Variants in CARMIL2 observed in about 807,000 individuals in gnomAD.
The protein encoded by CARMIL2 is capping protein regulator and myosin 1 linker 2.
In CARMIL2, 96 loss-of-function variants were observed where a neutral mutation model predicts 173.3. That is an observed-to-expected ratio of 0.55 (90% CI 0.47 to 0.66). CARMIL2 has a LOEUF of 0.66. Ranked by LOEUF, CARMIL2 falls within the 30% of genes least tolerant of loss-of-function variation. The probability of loss-of-function intolerance (pLI) is 0.00; values close to 1 mark genes in which losing one functional copy is unlikely to be tolerated. For missense variants in CARMIL2, 1,771 were observed against 1,906.7 expected, an observed-to-expected ratio of 0.93 and a Z score of 1.33; for synonymous variants, 830 against 817.1, an observed-to-expected ratio of 1.02 and a Z score of -0.27.
At position 67,654,849 on chromosome 16, in the gene CARMIL2, G is replaced by A. The variant is rs773849407; in HGVS notation, c.3654G>A (p.Gln1218=). The A allele has an allele frequency of 6.2e-6, 10 of 1,613,618 alleles. No homozygotes were observed. The highest frequency in any genetic ancestry group is 1.6e-4 in the Middle Eastern group (1 of 6,084). The change falls in exon 32 of 38, where the codon CAG becomes CAA. Residue 1218 remains glutamine, a synonymous_variant. Coordinates refer to ENST00000334583, the MANE Select transcript of CARMIL2 (RefSeq NM_001013838.3). ...SFEQRVQVML[Q]RIGVSRGSGG... ...AACAGCGGGTACAAGTAATGCTGCA[G>A]AGGATAGGCGTCAGCCGAGGCAGCG...
At chr16:67,647,087 C>T in intron 8 of CARMIL2, 29 bp from the exon 9 acceptor site, 1 of 1,612,516 alleles carries the variant, frequency 6.2e-7, no homozygotes, top group South Asian at 1.1e-5. Context: ...GGGCCCTGAG[C>T]TCTGCCTCTG....
At chr16:67,645,915 G>T in intron 3 of CARMIL2, 103 bp from the exon 4 acceptor site, 1 of 1,563,698 alleles carries the variant, frequency 6.4e-7, no homozygotes. Context: ...CGACAGGAGG[G>T]GAGTCCAGGC....
Position 67,656,883 on chromosome 16 carries a change from T to G in CARMIL2, c.4117+2T>G. 1 of 1,544,200 alleles carries G rather than the reference T, an allele frequency of 6.5e-7. No individual in the cohort carries two copies. Among genetic ancestry groups the G allele is most frequent in the South Asian group, 1.2e-5 (1 of 83,890 alleles). ...AGGACCAGCTCCAGGCCCCTGCTGG[T>G]GAGGGGAGACACCTCCACGTGTGCT... On this transcript the variant is annotated splice_donor_variant, in intron 36 of 37. Transcript: ENST00000334583. LOFTEE classifies it high-confidence loss of function.
rs1484282243 is a variant in CARMIL2, at chr16:67,657,092, G to C, written c.4118-147G>C. On this transcript the variant is annotated intron_variant, in intron 36 of 37. Coordinates refer to ENST00000334583, the MANE Select transcript of CARMIL2 (RefSeq NM_001013838.3). The surrounding 1 kb of genome is among the most constrained non-coding windows in gnomAD (Gnocchi z 4.5). ...CTTCCCGAAGAGCAGCCTCTGCCAG[G>C]GGTGAGGACGCAGGGACGGGGGATG... is the stretch of plus-strand genomic sequence containing the variant. 2 of 816,472 alleles carry C rather than the reference G, an allele frequency of 2.4e-6. No homozygotes were observed. The highest frequency in any genetic ancestry group is 4.0e-6 in the Non-Finnish European group (2 of 505,780). The allele number at this position is 816,472 out of a possible 1,614,324, so 50.6% of individuals were successfully genotyped here.
chr16:67,649,552 G>A lies in CARMIL2; in HGVS notation c.1852G>A (p.Gly618Ser), dbSNP rs1351982948. The A allele has an allele frequency of 6.2e-7, 1 of 1,604,086 alleles. No homozygotes were observed. ...TAACCTGACCGCGCTGGATATCAGC[G>A]GCAACGCCATGGGGGACGCGGGCGC... ...NPNLTALDISGNAMGDAGAKL... is the reference protein window; with the variant it reads ...NPNLTALDISSNAMGDAGAKL... Residue 618 changes from glycine (G) to serine (S), a missense_variant, in exon 20 of 38, where the codon GGC becomes AGC. Physicochemically the swap from Gly to Ser is moderately conservative, Grantham distance 56. This residue lies in a region of CARMIL2 where 944 missense variants were observed against 975.6 expected (regional missense o/e 0.97). Coordinates refer to ENST00000334583, the MANE Select transcript of CARMIL2 (RefSeq NM_001013838.3). This position sits in a 1 kb window ranked among gnomAD's most constrained non-coding sequence, Gnocchi z 6.7.
chr16:67,656,791 C>A lies in CARMIL2; in HGVS notation c.4037-10C>A, dbSNP rs776169543. 11 of 1,551,460 alleles carry A rather than the reference C, an allele frequency of 7.1e-6. No individual in the cohort carries two copies. In the South Asian group the frequency reaches 9.5e-5, roughly 13 times the overall value. ...TGTTGGAATACCCCTGATTCCCTGG[C>A]CTCCCTCAGATGGCCAGCTGAGGCC... On this transcript the variant is annotated splice_polypyrimidine_tract_variant and intron_variant, in intron 35 of 37. Coordinates refer to ENST00000334583, the MANE Select transcript of CARMIL2 (RefSeq NM_001013838.3).
chr16:67,654,072 C>T, intron 29 of CARMIL2, 77 bp from the exon 30 acceptor site: 1 of 919,034 alleles, frequency 1.1e-6, no homozygotes, highest in Non-Finnish European at 1.5e-6. Flanking sequence ...TCAGTCCAGG[C>T]TGCCGGCCGG....
In CARMIL2 at chr16:67,656,511, G is replaced by A. The variant is rs750135767; in HGVS notation, c.3902G>A (p.Arg1301Lys). 12 of 1,613,528 alleles carry A rather than the reference G, an allele frequency of 7.4e-6. No homozygotes were observed. In the South Asian group the frequency reaches 1.3e-4, roughly 18 times the overall value. The change falls in exon 35 of 38, where the codon AGG becomes AAG. Residue 1301 changes from arginine (R) to lysine (K), a missense_variant. Physicochemically the swap from Arg to Lys is conservative, Grantham distance 26 (BLOSUM62 2). Coordinates refer to ENST00000334583, the MANE Select transcript of CARMIL2 (RefSeq NM_001013838.3). Reference protein sequence around the residue: ...TLGQQLNAELRSRGWGQQDGP... With the variant: ...TLGQQLNAELKSRGWGQQDGP... ...GGGCAGCAGTTGAATGCGGAGCTCA[G>A]GAGCCGTGGTTGGGGCCAACAGGAT...
Position 67,651,388 on chromosome 16 carries a change from CT to C in CARMIL2, c.2314-10del. 6.3e-7 allele frequency: 1 copy of C among 1,594,848 alleles called. No individual in the cohort carries two copies. ...GTGTCAGCTCGCAACTGCTTTTCCT[CT>C]TTGGCCCTCAGATTCTCCCCATTCT... On this transcript the variant is annotated splice_polypyrimidine_tract_variant and intron_variant, in intron 23 of 37. Transcript: ENST00000334583. The surrounding 1 kb of genome is among the most constrained non-coding windows in gnomAD (Gnocchi z 4.2).
In CARMIL2 at chr16:67,649,056, G is replaced by A. The variant is rs763005401; in HGVS notation, c.1592-20G>A. On this transcript the variant is annotated intron_variant, in intron 17 of 37. Coordinates refer to ENST00000334583, the MANE Select transcript of CARMIL2 (RefSeq NM_001013838.3). This position sits in a 1 kb window ranked among gnomAD's most constrained non-coding sequence, Gnocchi z 6.7. ...CTACCCTTGCAACTTCGCCTCGTGC[G>A]TGACCCGAGTCACCCCCAGGCTTCG... The A allele has an allele frequency of 2.5e-6, 4 of 1,609,656 alleles. No individual in the cohort carries two copies. In the East Asian group the frequency reaches 6.7e-5, roughly 27 times the overall value.
chr16:67,651,307 T>C lies in CARMIL2; in HGVS notation c.2305T>C (p.Ser769Pro), dbSNP rs1038850771. The change falls in exon 23 of 38, where the codon TCT becomes CCT. Residue 769 changes from serine (S) to proline (P), a missense_variant. Coordinates refer to ENST00000334583, the MANE Select transcript of CARMIL2 (RefSeq NM_001013838.3). The surrounding 1 kb of genome is among the most constrained non-coding windows in gnomAD (Gnocchi z 4.2). Reference sequence around the variant, plus strand: ...GGATGCCATCCAAAATGCCAACTTCTCTCTCAGCGTGAGCACTCCCCCTCC... The same window carrying C: ...GGATGCCATCCAAAATGCCAACTTCCCTCTCAGCGTGAGCACTCCCCCTCC... ...AEDAIQNANF[S>P]LSILPILYEA... 5 of 1,613,362 alleles carry C rather than the reference T, an allele frequency of 3.1e-6. No individual in the cohort carries two copies. In the African/African-American group the frequency reaches 6.7e-5, roughly 22 times the overall value.
rs376838356 is a variant in CARMIL2, at chr16:67,647,385, G to C, written c.774G>C (p.Arg258Ser). 1 of 1,574,902 alleles carries C rather than the reference G, an allele frequency of 6.3e-7. No individual in the cohort carries two copies. The highest frequency in any genetic ancestry group is 8.6e-7 in the Non-Finnish European group (1 of 1,160,184). The stretch of plus-strand genomic sequence containing the variant: ...TGGTGCTGGAGACCTGCAGCCTGAG[G>C]GGGTGAGGGGGACAGGGCAGGGCTT... ...EELVLETCSL[R>S]GDFVRRLAQA... Residue 258 changes from arginine to serine, a missense_variant and splice_region_variant, in exon 10 of 38, where the codon AGG becomes AGC. Arg to Ser is a moderately radical substitution (Grantham distance 110, BLOSUM62 -1). Coordinates refer to ENST00000334583, the MANE Select transcript of CARMIL2 (RefSeq NM_001013838.3).
In CARMIL2 at chr16:67,656,456, G is replaced by A; in HGVS notation, c.3847G>A (p.Gly1283Arg). The change falls in exon 35 of 38, where the codon GGG becomes AGG. Residue 1283 changes from glycine (G) to arginine (R), a missense_variant. By Grantham distance (125) the Gly-to-Arg change is moderately radical (BLOSUM62 -2). Coordinates refer to ENST00000334583, the MANE Select transcript of CARMIL2 (RefSeq NM_001013838.3). The part of the protein sequence containing the change: ...PSCRPGPGSQ[G>R]PESATWKTLG... ...CTGCAGACCTGGCCCAGGGAGCCAGGGGCCTGAGTCTGCCACCTGGAAGAC... is the reference window on the plus strand; with the variant it reads ...CTGCAGACCTGGCCCAGGGAGCCAGAGGCCTGAGTCTGCCACCTGGAAGAC... 2 of 1,610,804 alleles carry A rather than the reference G, an allele frequency of 1.2e-6. No homozygotes were observed. Among genetic ancestry groups the A allele is most frequent in the South Asian group, 1.1e-5 (1 of 90,812 alleles).
Position 67,645,770 on chromosome 16 carries a change from C to G in CARMIL2, c.179C>G (p.Pro60Arg). ...RAYLLHTTCL[P>R]LRVDCTFSYL... ...TACCTGCTGCACACCACCTGCCTCC[C>G]GCTGAGGGTGAGTCCCAGGGCCTGG... Residue 60 changes from proline (P) to arginine (R), a missense_variant, in exon 3 of 38, where the codon CCG becomes CGG. Coordinates refer to ENST00000334583, the MANE Select transcript of CARMIL2 (RefSeq NM_001013838.3). The G allele has an allele frequency of 1.2e-6, 2 of 1,612,250 alleles. No homozygotes were observed. Among genetic ancestry groups the G allele is most frequent in the East Asian group, 2.2e-5 (1 of 44,888 alleles).
At position 67,648,310 on chromosome 16, in the gene CARMIL2, C is replaced by T. The variant is rs1394296468; in HGVS notation, c.1330C>T (p.Arg444Cys). 5.0e-6 allele frequency: 8 copies of T among 1,588,478 alleles called. No homozygotes were observed. Among genetic ancestry groups the T allele is most frequent in the Non-Finnish European group, 6.8e-6 (8 of 1,175,048 alleles). Reference protein sequence around the residue: ...HLDASRNVFSRTKSRAAPAAL... With the variant: ...HLDASRNVFSCTKSRAAPAAL... Reference sequence around the variant, plus strand: ...CGACGCTTCGAGGAACGTCTTCTCCCGCACGTAAGGGGGACCTGTCGGGGC... The same window carrying T: ...CGACGCTTCGAGGAACGTCTTCTCCTGCACGTAAGGGGGACCTGTCGGGGC... The change falls in exon 14 of 38, where the codon CGC (arginine) becomes TGC (cysteine). Residue 444 changes from arginine (R) to cysteine (C), a missense_variant. Physicochemically the swap from Arg to Cys is radical, Grantham distance 180. Transcript: ENST00000334583. This position sits in a 1 kb window ranked among gnomAD's most constrained non-coding sequence, Gnocchi z 6.1.
chr16:67,648,372 C>G lies in CARMIL2; in HGVS notation c.1335-26C>G. 1 of 1,540,116 alleles carries G rather than the reference C, an allele frequency of 6.5e-7. No individual in the cohort carries two copies. Among genetic ancestry groups the G allele is most frequent in the Non-Finnish European group, 8.7e-7 (1 of 1,149,854 alleles). On this transcript the variant is annotated intron_variant, in intron 14 of 37. Coordinates refer to ENST00000334583, the MANE Select transcript of CARMIL2 (RefSeq NM_001013838.3). This position sits in a 1 kb window ranked among gnomAD's most constrained non-coding sequence, Gnocchi z 6.1. ...GCTGGAAGCCGCCTCCTTGCGGCCC[C>G]AGGCCCACCTTCCCACTTCCCCCAG...
Position 67,647,692 on chromosome 16 carries a change from T to C in CARMIL2, c.884T>C (p.Leu295Pro). The C allele has an allele frequency of 6.3e-7, 1 of 1,599,462 alleles. No individual in the cohort carries two copies. Among genetic ancestry groups the C allele is most frequent in the Non-Finnish European group, 8.5e-7 (1 of 1,174,444 alleles). The change falls in exon 12 of 38, where the codon CTC (leucine) becomes CCC (proline). Residue 295 changes from leucine to proline, a missense_variant. Around this residue, in one of 3 missense-constraint regions of CARMIL2, gnomAD observed 944 missense variants for 975.6 expected, o/e 0.97. Transcript: ENST00000334583. ...CCCACCCCCCAAGGCATGACTGCAC[T>C]CAGCAGACACCTCGAGCGTTGTCCA... The part of the protein sequence containing the change: ...NLLDDRGMTA[L>P]SRHLERCPGA...
chr16:67,656,282 C>T lies in CARMIL2; in HGVS notation c.3797C>T (p.Thr1266Ile). Reference protein sequence around the residue: ...EAPPISIKSRTHSVSADPSCR... With the variant: ...EAPPISIKSRIHSVSADPSCR... ...CCTCCCATCTCGATCAAGTCCCGCA[C>T]CCACTCTGTGTCTGCTGGTGAGTGA... Residue 1266 changes from threonine (T) to isoleucine (I), a missense_variant, in exon 34 of 38, where the codon ACC becomes ATC. Thr to Ile is a moderately conservative substitution (Grantham distance 89). This residue lies in a region of CARMIL2 where 817 missense variants were observed against 903.5 expected (regional missense o/e 0.90). Transcript: ENST00000334583. 1.9e-6 allele frequency: 3 copies of T among 1,614,000 alleles called. No homozygotes were observed. Among genetic ancestry groups the T allele is most frequent in the South Asian group, 2.2e-5 (2 of 91,090 alleles).
chr16:67,655,029 A>G, intron 32 of CARMIL2, 129 bp downstream of exon 32: 1 of 1,265,864 alleles, frequency 7.9e-7, no homozygotes. Flanking sequence ...TCTCCTCGAA[A>G]TGGTTACAGA....
Sources: allele counts gnomAD v4.1 joint callset, GRCh38; gene constraint gnomAD v4.1.1; regional missense constraint gnomAD v4.1.1; non-coding constraint Gnocchi (gnomAD v3.1); transcripts MANE v1.5; gene names NCBI Gene and HGNC (gene_info 2026-07-23, HGNC 2026-07-21).